EYA4: variants seen among roughly 807,000 people sequenced by gnomAD.
The protein encoded by EYA4 is protein phosphatase EYA4.
EYA4 carries 31 observed loss-of-function variants against 87.9 expected under a neutral mutation model. The ratio of observed to expected loss-of-function variants is 0.35; its 90% confidence interval spans 0.27 to 0.48. The LOEUF (loss-of-function observed/expected upper bound fraction) is 0.48, where lower values mean the gene tolerates loss of function less well. EYA4 is among the 20% of genes least tolerant of loss of function. EYA4 has a pLI of 0.99. For synonymous variants in EYA4, 263 were observed against 270.6 expected (o/e 0.97, Z 0.28); for missense variants, 678 against 761.4 (o/e 0.89, Z 1.29).
chr6:133,299,955 C>CTATCTATATA (rs1554220543), intron 2 of EYA4, among the ~76,000 whole-genome samples: 2 of 106,234 alleles, frequency 1.9e-5, no homozygotes, highest in African/African-American at 6.8e-5. Flanking sequence ...ATCTATCTAT[C>CTATCTATATA]TATATATATA....
chr6:133,299,367 T>C (rs948102384), intron 2 of EYA4, among the ~76,000 whole-genome samples: 1 of 152,302 alleles, frequency 6.6e-6, no homozygotes, highest in South Asian at 2.1e-4. Flanking sequence ...TTTCTGTGTG[T>C]CTTTCTTATG....
At chr6:133,485,180 A>G (rs73544989) in intron 13 of EYA4, among the ~76,000 whole-genome samples, 4,804 of 152,310 alleles carry the variant, frequency 0.032, 263 homozygotes, top group East Asian at 0.18. Context: ...GGATGTCGAC[A>G]GGACATGCAG....
chr6:133,525,929 T>C, intron 19 of EYA4: 1 of 985,382 alleles, frequency 1.0e-6, no homozygotes, highest in Non-Finnish European at 1.2e-6. Context: ...TAGAAGAGTT[T>C]CATCTGTTTT....
chr6:133,243,327 A>T (rs1385084732), intron 1 of EYA4, among the ~76,000 whole-genome samples: 1 of 152,168 alleles, frequency 6.6e-6, no homozygotes, highest in African/African-American at 2.4e-5. Context: ...CCTGGGATCA[A>T]CGTAATTGTT....
At chr6:133,468,342 T>G (rs181150393) in intron 10 of EYA4, among the ~76,000 whole-genome samples, 20 of 152,210 alleles carry the variant, frequency 1.3e-4, no homozygotes, top group South Asian at 8.3e-4. Flanking sequence ...AAAATTTGTG[T>G]ACTGGACCTG....
At chr6:133,266,248 C>G (rs1368570574) in intron 1 of EYA4, among the ~76,000 whole-genome samples, 1 of 152,134 alleles carries the variant, frequency 6.6e-6, no homozygotes, top group Non-Finnish European at 1.5e-5. Context: ...GAGACATACA[C>G]ACACACAAAA....
At chr6:133,501,591 A>C (rs936455468) in intron 13 of EYA4, among the ~76,000 whole-genome samples, 1 of 152,130 alleles carries the variant, frequency 6.6e-6, no homozygotes, top group Non-Finnish European at 1.5e-5. Flanking sequence ...GTATTCTAAA[A>C]AATCCAGTAA....
intron 2 of EYA4, among the ~76,000 whole-genome samples, chr6:133,364,633 G>A: frequency 6.6e-6 from 1 of 152,196 alleles, no homozygotes; most frequent in Non-Finnish European, 1.5e-5. Context: ...TGGCGGTGGT[G>A]CCTCACTGCT....
chr6:133,415,649 C>A (rs938941240), intron 3 of EYA4, among the ~76,000 whole-genome samples: 1 of 152,182 alleles, frequency 6.6e-6, no homozygotes, highest in African/African-American at 2.4e-5. Flanking sequence ...TTTACCATCT[C>A]CTGACATAAT....
At chr6:133,456,047 A>G (rs1270541531) in intron 5 of EYA4, among the ~76,000 whole-genome samples, 1 of 152,102 alleles carries the variant, frequency 6.6e-6, no homozygotes, top group Admixed American at 6.6e-5. Context: ...ATAGCTCGTG[A>G]GTCTTTTTTA....
intron 3 of EYA4, among the ~76,000 whole-genome samples, chr6:133,397,997 G>A (rs1466794488): frequency 6.6e-6 from 1 of 152,156 alleles, no homozygotes; most frequent in Non-Finnish European, 1.5e-5. Context: ...GTTTCTTACA[G>A]TGCATTGTTT....
At chr6:133,342,008 T>C (rs1782819692) in intron 2 of EYA4, among the ~76,000 whole-genome samples, 1 of 152,146 alleles carries the variant, frequency 6.6e-6, no homozygotes. Flanking sequence ...ATAAATATCT[T>C]GACAAGTCAT....
intron 2 of EYA4, among the ~76,000 whole-genome samples, chr6:133,348,921 A>G (rs1028675396): frequency 1.3e-5 from 2 of 152,242 alleles, no homozygotes; most frequent in Admixed American, 6.5e-5. Context: ...CTGGCTTCCA[A>G]TCTCACTCAA....
intron 2 of EYA4, among the ~76,000 whole-genome samples, chr6:133,326,893 G>T (rs1378116047): frequency 6.6e-6 from 1 of 152,068 alleles, no homozygotes; most frequent in Non-Finnish European, 1.5e-5. Context: ...CTCAGAACTG[G>T]CCTGACCCAA....
At chr6:133,388,267 C>A (rs1786936554) in intron 3 of EYA4, among the ~76,000 whole-genome samples, 3 of 151,648 alleles carry the variant, frequency 2.0e-5, no homozygotes. Context: ...ATTAGTAGGG[C>A]ATAGTGGTGG....
chr6:133,351,725 GGTACAAGTTCT>G (rs1408042160), intron 2 of EYA4, among the ~76,000 whole-genome samples: 3 of 151,990 alleles, frequency 2.0e-5, no homozygotes, highest in Non-Finnish European at 4.4e-5. Context: ...AAGGGTGTTG[GGTACAAGTTCT>G]TTAACATGGT....
intron 19 of EYA4, among the ~76,000 whole-genome samples, chr6:133,526,627 A>G (rs969947643): frequency 1.3e-5 from 2 of 152,264 alleles, no homozygotes; most frequent in African/African-American, 4.8e-5. Context: ...AGCAGTGTCA[A>G]TGACCCAAGA....
At chr6:133,351,551 G>T (rs1384986048) in intron 2 of EYA4, among the ~76,000 whole-genome samples, 4 of 152,172 alleles carry the variant, frequency 2.6e-5, no homozygotes, top group African/African-American at 9.6e-5. Flanking sequence ...ACCCCCTCCC[G>T]CATCACAGTC....
chr6:133,513,692 G>A (rs146403640), intron 16 of EYA4, among the ~76,000 whole-genome samples: 1 of 152,048 alleles, frequency 6.6e-6, no homozygotes, highest in South Asian at 2.1e-4. Context: ...TCCTGGATGT[G>A]CTTCTATATA....
Sources: gnomAD v4.1 joint callset for allele counts (sites outside exome capture counted in the v4.1 genomes callset) on GRCh38, gnomAD v4.1.1 for gene constraint, MANE v1.5 for transcripts, NCBI Gene and HGNC (gene_info 2026-07-23, HGNC 2026-07-21) for gene names.